ICMT: variants seen among roughly 807,000 people sequenced by gnomAD.
ICMT encodes isoprenylcysteine carboxyl methyltransferase, also known as protein-S-isoprenylcysteine O-methyltransferase.
Under a neutral mutation model 32.2 loss-of-function variants are expected in ICMT, and 10 were observed. That is an observed-to-expected ratio of 0.31 (90% CI 0.19 to 0.53). The LOEUF is 0.53. Among genes scored for constraint, ICMT ranks in the 20% least tolerant of loss-of-function variants. The pLI, the probability that ICMT is intolerant of heterozygous loss-of-function variation, is 0.96. For missense variants in ICMT, 265 were observed against 356.9 expected (o/e 0.74, Z 2.07); for synonymous variants, 183 against 158.2 (o/e 1.16, Z -1.18).
In ICMT at chr1:6,221,887, T is replaced by A. The variant is rs191483881; in HGVS notation, c.*3193A>T. 3.9e-5 allele frequency: 6 copies of A among 152,344 alleles called. No individual in the cohort carries two copies. The highest frequency in any genetic ancestry group is 1.2e-4 in the African/African-American group (5 of 41,582). 9.4% of individuals were successfully genotyped at this position (152,344 alleles called of 1,614,324 possible). A position where few individuals can be genotyped will look rare whatever the true frequency, so the allele number is the denominator to read the frequency against. On this transcript the variant is annotated 3_prime_UTR_variant, in exon 5 of 5. Transcript: ENST00000343813. ...TTTCCAGGTAGCTTTGTTCTGACAGTACCTATTTTCCACTTCAGAATCTCC... is the reference window on the plus strand; with the variant it reads ...TTTCCAGGTAGCTTTGTTCTGACAGAACCTATTTTCCACTTCAGAATCTCC...
intron 4 of ICMT, among the ~76,000 whole-genome samples, chr1:6,228,417 A>C (rs1571224391): frequency 1.3e-5 from 2 of 149,274 alleles, no homozygotes; most frequent in East Asian, 4.0e-4. Flanking sequence ...ATCTCGGCTC[A>C]CTGCAAGCTC....
rs984981938 is a variant in ICMT, at chr1:6,233,396, G to A, written c.454+78C>T. 232 of 1,336,102 alleles carry A rather than the reference G, an allele frequency of 1.7e-4. 1 individual carries two copies. Among genetic ancestry groups the A allele is most frequent in the Non-Finnish European group, 2.1e-4 (206 of 965,012 alleles). The allele number at this position is 1,336,102 out of a possible 1,614,324, so 82.8% of individuals were successfully genotyped here. A position where few individuals can be genotyped will look rare whatever the true frequency, so the allele number is the denominator to read the frequency against. On this transcript the variant is annotated intron_variant, in intron 3 of 4. Coordinates refer to ENST00000343813, the MANE Select transcript of ICMT (RefSeq NM_012405.4). The stretch of plus-strand genomic sequence containing the variant: ...GCTTGGGGGAGATTAGACCTGAAAG[G>A]TGAATCAATGTCACTGTCCTCAGCC...
rs1668789204 is a variant in ICMT at position 6,234,647 on chromosome 1, AGCACCTTTGGG to A, written c.284+228_284+238del. 5 of 556,448 alleles carry A rather than the reference AGCACCTTTGGG, an allele frequency of 9.0e-6. No individual in the cohort carries two copies. In the East Asian group the frequency reaches 1.7e-4, roughly 19 times the overall value. 34.5% of individuals were successfully genotyped at this position (556,448 alleles called of 1,614,324 possible). On this transcript the variant is annotated intron_variant, in intron 2 of 4. Coordinates refer to ENST00000343813, the MANE Select transcript of ICMT (RefSeq NM_012405.4). Reference sequence around the variant, plus strand: ...TGCTGTCACCACAGCTGCGGATGACAGCACCTTTGGGGGTGCCAGGGAGATCTGTTTCTGCC... The same window carrying A: ...TGCTGTCACCACAGCTGCGGATGACAGGTGCCAGGGAGATCTGTTTCTGCC...
chr1:6,232,737 G>A (rs375221544), intron 3 of ICMT, among the ~76,000 whole-genome samples: 15 of 152,190 alleles, frequency 9.9e-5, no homozygotes, highest in East Asian at 7.7e-4. Flanking sequence ...TCGTAGAGAC[G>A]GGGTTTTACC....
At position 6,233,598 on chromosome 1, in the gene ICMT, C is replaced by T. The variant is rs1311972510; in HGVS notation, c.330G>A (p.Val110=). ...LSLFHYSEYL[V]TAVNNPKSLS... ...GACTTTTGGGATTATTGACTGCTGT[C>T]ACCAAGTATTCAGAATAGTGGAACA... is the stretch of plus-strand genomic sequence containing the variant. The change falls in exon 3 of 5, where the codon GTG becomes GTA. Residue 110 remains valine, a synonymous_variant. Transcript: ENST00000343813. 2 of 1,613,898 alleles carry T rather than the reference C, an allele frequency of 1.2e-6. No individual in the cohort carries two copies. Among genetic ancestry groups the T allele is most frequent in the African/African-American group, 2.7e-5 (2 of 74,940 alleles).
At chr1:6,229,372 G>A (rs978721712) in intron 4 of ICMT, among the ~76,000 whole-genome samples, 1 of 152,146 alleles carries the variant, frequency 6.6e-6, no homozygotes, top group African/African-American at 2.4e-5. Context: ...CAGCTACTCA[G>A]GAGGCTGAGG....
At chr1:6,231,534 C>G (rs1171273706) in intron 4 of ICMT, among the ~76,000 whole-genome samples, 10 of 148,982 alleles carry the variant, frequency 6.7e-5, no homozygotes, top group East Asian at 1.9e-4. Context: ...CAGTAAGACC[C>G]TGTCTCTACC....
intron 4 of ICMT, among the ~76,000 whole-genome samples, chr1:6,229,783 TAC>T (rs34741419): frequency 0.28 from 40,961 of 146,348 alleles, 6,157 homozygotes; most frequent in East Asian, 0.51. Flanking sequence ...ATAAAAAAAA[TAC>T]ACACACACAC....
rs1170957114 is a variant in ICMT, at chr1:6,233,592, T to C, written c.336A>G (p.Ala112=). 8 of 1,613,920 alleles carry C rather than the reference T, an allele frequency of 5.0e-6. No individual in the cohort carries two copies. The highest frequency in any genetic ancestry group is 6.8e-6 in the Non-Finnish European group (8 of 1,179,906). Reference sequence around the variant, plus strand: ...AGGACAGACTTTTGGGATTATTGACTGCTGTCACCAAGTATTCAGAATAGT... The same window carrying C: ...AGGACAGACTTTTGGGATTATTGACCGCTGTCACCAAGTATTCAGAATAGT... The part of the protein sequence containing the change: ...LFHYSEYLVT[A]VNNPKSLSLD... The change falls in exon 3 of 5, where the codon GCA becomes GCG. Residue 112 remains alanine, a synonymous_variant. Transcript: ENST00000343813.
Position 6,224,998 on chromosome 1 carries a change from A to G in ICMT, c.*82T>C, listed in dbSNP as rs2100959302. 5 of 1,185,104 alleles carry G rather than the reference A, an allele frequency of 4.2e-6. No individual in the cohort carries two copies. In the Middle Eastern group the frequency reaches 1.0e-3, roughly 238 times the overall value. 73.4% of individuals were successfully genotyped at this position (1,185,104 alleles called of 1,614,324 possible). A position where few individuals can be genotyped will look rare whatever the true frequency, so the allele number is the denominator to read the frequency against. ...TGACATAAAACGATTAAGAAAATCC[A>G]TGTGGCAGCGGCCAACCGGAAACAG... On this transcript the variant is annotated 3_prime_UTR_variant, in exon 5 of 5. Coordinates refer to ENST00000343813, the MANE Select transcript of ICMT (RefSeq NM_012405.4).
At position 6,224,032 on chromosome 1, in the gene ICMT, C is replaced by G. The variant is rs1469634714; in HGVS notation, c.*1048G>C. 1 of 152,174 alleles carries G rather than the reference C, an allele frequency of 6.6e-6. No individual in the cohort carries two copies. Among genetic ancestry groups the G allele is most frequent in the Non-Finnish European group, 1.5e-5 (1 of 68,036 alleles). 9.4% of individuals were successfully genotyped at this position (152,174 alleles called of 1,614,324 possible). On this transcript the variant is annotated 3_prime_UTR_variant, in exon 5 of 5. Transcript: ENST00000343813. ...TTTAAGATTATTTTTGAGAGTCAAT[C>G]TGCTTGGATTTGTAGTTGTATATGC...
chr1:6,235,062 A>G, intron 1 of ICMT, 88 bp from the exon 2 acceptor site: 2 of 1,041,114 alleles, frequency 1.9e-6, no homozygotes. Context: ...GGCAACCCAC[A>G]GGCAAGCAGA....
rs751043505 is a variant in ICMT at position 6,225,178 on chromosome 1, TTTC to T, written c.754_756del (p.Glu252del). ...TCTCCAAAAAAGTGAATTAGTGAGA[TTTC>T]TTCTTCTTCTGTTCGATCGCGGAAG... On this transcript the variant is annotated inframe_deletion, in exon 5 of 5. Transcript: ENST00000343813. 1.4e-5 allele frequency: 23 copies of T among 1,614,140 alleles called. No individual in the cohort carries two copies. Among genetic ancestry groups the T allele is most frequent in the Non-Finnish European group, 6.8e-6 (8 of 1,180,016 alleles).
At chr1:6,230,677 CAGG>C (rs1203476592) in intron 4 of ICMT, among the ~76,000 whole-genome samples, 1 of 150,760 alleles carries the variant, frequency 6.6e-6, no homozygotes, top group Non-Finnish European at 1.5e-5. Context: ...ATCATGAGGT[CAGG>C]AGATCAAGAC....
At chr1:6,229,346 C>T (rs1307368253) in intron 4 of ICMT, among the ~76,000 whole-genome samples, 6 of 151,442 alleles carry the variant, frequency 4.0e-5, no homozygotes, top group African/African-American at 1.2e-4. Flanking sequence ...GGTATGGTGG[C>T]GCATGCCTGT....
At position 6,222,364 on chromosome 1, in the gene ICMT, G is replaced by C. The variant is rs992153198; in HGVS notation, c.*2716C>G. The stretch of plus-strand genomic sequence containing the variant: ...CTTGAACCCGGGAGGCAGAGGTTGC[G>C]GTGAGCCGAAATGGTGCCACTGCAC... On this transcript the variant is annotated 3_prime_UTR_variant, in exon 5 of 5. Transcript: ENST00000343813. 3.3e-5 allele frequency: 5 copies of C among 152,428 alleles called. No homozygotes were observed. The highest frequency in any genetic ancestry group is 1.2e-4 in the African/African-American group (5 of 41,438). 9.4% of individuals were successfully genotyped at this position (152,428 alleles called of 1,614,324 possible). A position where few individuals can be genotyped will look rare whatever the true frequency, so the allele number is the denominator to read the frequency against.
chr1:6,232,858 ACT>A lies in ICMT; in HGVS notation c.454+614_454+615del, dbSNP rs774497533. Among the ~76,000 whole-genome samples, 35 of 132,562 alleles carry A rather than the reference ACT, an allele frequency of 2.6e-4. 1 individual carries two copies. The South Asian group carries it at 6.0e-3, about 23-fold the overall frequency. The allele number at this position is 132,562 out of a possible 152,430, so 87.0% of individuals were successfully genotyped here. A position where few individuals can be genotyped will look rare whatever the true frequency, so the allele number is the denominator to read the frequency against. On this transcript the variant is annotated intron_variant, in intron 3 of 4. Coordinates refer to ENST00000343813, the MANE Select transcript of ICMT (RefSeq NM_012405.4). The stretch of plus-strand genomic sequence containing the variant: ...CCACTGCACCCGACCTTGTTAGTAA[ACT>A]CTTTTTTTTTTTTTGAGATGGGAGT...
In ICMT at chr1:6,235,699, G is replaced by T; in HGVS notation, c.195+18C>A. Reference sequence around the variant, plus strand: ...CCGCCCGCCCCGCCGGCCCCCGCCGGCCCCCGCCGGCCTGCACCTGGTAGC... The same window carrying T: ...CCGCCCGCCCCGCCGGCCCCCGCCGTCCCCCGCCGGCCTGCACCTGGTAGC... On this transcript the variant is annotated intron_variant, in intron 1 of 4. Transcript: ENST00000343813. The T allele has an allele frequency of 8.5e-7, 1 of 1,176,150 alleles. No individual in the cohort carries two copies. The highest frequency in any genetic ancestry group is 1.0e-6 in the Non-Finnish European group (1 of 955,170). 72.9% of individuals were successfully genotyped at this position (1,176,150 alleles called of 1,614,324 possible).
At chr1:6,227,188 T>C (rs1052590088) in intron 4 of ICMT, among the ~76,000 whole-genome samples, 14 of 152,344 alleles carry the variant, frequency 9.2e-5, no homozygotes, top group African/African-American at 3.4e-4. Context: ...AAAAAAAATC[T>C]ATGGGCAAAA....
Sources: allele counts gnomAD v4.1 joint callset (sites outside exome capture counted in the v4.1 genomes callset), GRCh38; gene constraint gnomAD v4.1.1; transcripts MANE v1.5; gene names NCBI Gene and HGNC (gene_info 2026-07-23, HGNC 2026-07-21).